FAM83A: variants seen among roughly 807,000 people sequenced by gnomAD.
The protein encoded by FAM83A is protein FAM83A.
A neutral mutation model predicts 24.4 loss-of-function variants in FAM83A; 21 were observed. The observed-to-expected ratio is 0.86, with a 90% confidence interval of 0.61 to 1.24. FAM83A has a LOEUF of 1.24. FAM83A is among the 50% of genes most tolerant of loss of function. The pLI is 0.00. For synonymous variants in FAM83A, 270 were observed against 252.4 expected, an observed-to-expected ratio of 1.07 and a Z score of -0.66; for missense variants, 617 against 579.8, an observed-to-expected ratio of 1.06 and a Z score of -0.66.
chr8:123,185,346 C>T (rs190559993), intron 1 of FAM83A, among the ~76,000 whole-genome samples: 97 of 152,256 alleles, frequency 6.4e-4, no homozygotes, highest in Non-Finnish European at 1.1e-3. Flanking sequence ...AATTGTCAAT[C>T]GCAGCTGCTC....
intron 3 of FAM83A, 121 bp downstream of exon 3, chr8:123,194,269 GCCC>G: frequency 7.2e-7 from 1 of 1,391,260 alleles, no homozygotes; most frequent in Non-Finnish European, 9.8e-7. Context: ...GTCTCCCTCT[GCCC>G]GGAGCTGGAG....
intron 3 of FAM83A, among the ~76,000 whole-genome samples, chr8:123,195,575 T>C (rs1824120423): frequency 6.6e-6 from 1 of 152,206 alleles, no homozygotes; most frequent in Non-Finnish European, 1.5e-5. Flanking sequence ...TAAAATCCCA[T>C]AGACTGGGTA....
chr8:123,198,998 C>T (rs765533995), intron 3 of FAM83A, among the ~76,000 whole-genome samples: 1 of 152,152 alleles, frequency 6.6e-6, no homozygotes, highest in Non-Finnish European at 1.5e-5. Flanking sequence ...CCTCGGCCTC[C>T]GAAAGTGCTG....
At chr8:123,203,728 A>G (rs968544166) in intron 3 of FAM83A, among the ~76,000 whole-genome samples, 8 of 152,054 alleles carry the variant, frequency 5.3e-5, no homozygotes, top group Non-Finnish European at 4.4e-5. Context: ...GACTCACAAG[A>G]GCACAAGAGC....
At chr8:123,193,980 A>G (rs996049210) in intron 2 of FAM83A, 44 bp from the exon 3 acceptor site, 28 of 1,612,128 alleles carry the variant, frequency 1.7e-5, no homozygotes, top group Non-Finnish European at 2.4e-5. Flanking sequence ...ATGTATCTCT[A>G]TAAACAGAAT....
At chr8:123,195,841 C>T (rs557917043) in intron 3 of FAM83A, among the ~76,000 whole-genome samples, 1 of 152,242 alleles carries the variant, frequency 6.6e-6, no homozygotes, top group Admixed American at 6.5e-5. Context: ...CCTAATTATG[C>T]CCCAAAGGCC....
Position 123,187,544 on chromosome 8 carries a change from A to C in FAM83A, c.480+4208A>C, listed in dbSNP as rs189015688. Among the ~76,000 whole-genome samples the C allele has an allele frequency of 5.3e-5, 8 of 152,356 alleles. No homozygotes were observed. In the East Asian group the frequency reaches 1.5e-3, roughly 29 times the overall value. ...GCATTTCTTTTTCATTAAAATTGTT[A>C]TTTTATGTTAACATACGATGGGCTT... On this transcript the variant is annotated intron_variant, in intron 1 of 3. Coordinates refer to ENST00000690554, the Ensembl canonical transcript of FAM83A.
In FAM83A at chr8:123,183,198, G is replaced by T. The variant is rs769463336; in HGVS notation, c.342G>T (p.Glu114Asp). The T allele has an allele frequency of 1.9e-6, 3 of 1,613,586 alleles. No individual in the cohort carries two copies. The Admixed American group carries it at 5.0e-5, about 27-fold the overall frequency. ...TCCCTGTGGCCTCAGAGGGCAGCGAGCCGGCCCTACTGCACAGCTGGGCCT... is the reference window on the plus strand; with the variant it reads ...TCCCTGTGGCCTCAGAGGGCAGCGATCCGGCCCTACTGCACAGCTGGGCCT... The change falls in exon 1 of 4, where the codon GAG becomes GAT. Residue 114 changes from glutamate (E) to aspartate (D), a missense_variant. By Grantham distance (45) the Glu-to-Asp change is conservative (BLOSUM62 2). Transcript: ENST00000690554.
rs57091222 is a variant in FAM83A at position 123,205,631 on chromosome 8, C to A, written c.774-1526C>A. 4.3e-3 allele frequency among the ~76,000 whole-genome samples: 654 copies of A among 152,238 alleles called. 4 individuals carry two copies. The highest frequency in any genetic ancestry group is 0.015 in the African/African-American group (618 of 41,548). On this transcript the variant is annotated intron_variant, in intron 3 of 3. Coordinates refer to ENST00000690554, the Ensembl canonical transcript of FAM83A. ...CTGGGGGCTGCGATCCTATCTTTGA[C>A]GGGCCCGTTTCTGCTTAGCTCTGGC...
At position 123,207,557 on chromosome 8, in the gene FAM83A, GGCCC is replaced by G. The variant is rs780708855; in HGVS notation, c.1182_1185del (p.Ala395LeufsTer25). On this transcript the variant is annotated frameshift_variant, in exon 4 of 4. Coordinates refer to ENST00000690554, the Ensembl canonical transcript of FAM83A. LOFTEE classifies it high-confidence loss of function. Reference sequence around the variant, plus strand: ...CCACCTCTCCCCGCGGCCCCACGACGGCCCGCCCGCCGCTGTCTACAGCAACCTG... The same window carrying G: ...CCACCTCTCCCCGCGGCCCCACGACGGCCCGCCGCTGTCTACAGCAACCTG... 1.3e-6 allele frequency: 2 copies of G among 1,539,032 alleles called. No homozygotes were observed. The highest frequency in any genetic ancestry group is 2.4e-5 in the East Asian group (1 of 41,274).
chr8:123,179,523 T>A (rs1823544652), upstream of FAM83A: 1 of 152,118 alleles, frequency 6.6e-6, no homozygotes, highest in Non-Finnish European at 1.5e-5. Context: ...ACTAAGATAA[T>A]CCCTATAAAG....
rs371810691 is a variant in FAM83A, at chr8:123,209,366, T to TTTATTATTATTA, written c.*1688_*1699dup. The stretch of plus-strand genomic sequence containing the variant: ...TGGGGCATCTTGGCTTCTGGTTTCT[T>TTTATTATTATTA]TTATTATTATTATTATTATTAATTA... On this transcript the variant is annotated 3_prime_UTR_variant, in exon 4 of 4. Transcript: ENST00000690554. The surrounding 1 kb of genome is among the most constrained non-coding windows in gnomAD (Gnocchi z 4.7). The TTTATTATTATTA allele has an allele frequency of 5.4e-6, 8 of 1,469,074 alleles. No individual in the cohort carries two copies. The African/African-American group carries it at 1.0e-4, about 18-fold the overall frequency. The allele number at this position is 1,469,074 out of a possible 1,614,324, so 91.0% of individuals were successfully genotyped here. A position where few individuals can be genotyped will look rare whatever the true frequency, so the allele number is the denominator to read the frequency against.
In FAM83A at chr8:123,205,093, C is replaced by CTCCT. The variant is rs569840790; in HGVS notation, c.774-2064_774-2063insTCCT. Among the ~76,000 whole-genome samples, 233 of 151,914 alleles carry CTCCT rather than the reference C, an allele frequency of 1.5e-3. 10 individuals are homozygous for CTCCT. In the South Asian group the frequency reaches 0.047, roughly 31 times the overall value. On this transcript the variant is annotated intron_variant, in intron 3 of 3. Transcript: ENST00000690554. ...CGCCACTGCACTCCAGCCTGGGCGA[C>CTCCT]AGAGCAAGGCTGCGTCTCAAAAAAA...
upstream of FAM83A, chr8:123,181,989 T>C (rs886342291): frequency 6.6e-6 from 3 of 455,256 alleles, no homozygotes; most frequent in Non-Finnish European, 1.3e-5. Flanking sequence ...TCAGAGTTCA[T>C]AGATTTCAAA....
chr8:123,207,443 G>A, exon 4 of FAM83A: 1 of 1,604,764 alleles, frequency 6.2e-7, no homozygotes, highest in Non-Finnish European at 8.5e-7. Context: ...CGCGTCTTCA[G>A]GGCCCTGTAG....
chr8:123,187,144 A>C (rs887163387), intron 1 of FAM83A, among the ~76,000 whole-genome samples: 17 of 152,162 alleles, frequency 1.1e-4, no homozygotes, highest in African/African-American at 3.9e-4. Flanking sequence ...CACATGCGAA[A>C]GTCAGGAGGT....
intron 3 of FAM83A, among the ~76,000 whole-genome samples, chr8:123,206,138 CA>C (rs57788150): frequency 0.014 from 1,601 of 110,806 alleles, 12 homozygotes; most frequent in African/African-American, 0.031. Flanking sequence ...GTAAGACTCT[CA>C]AAAAAAAAAA....
In FAM83A at chr8:123,191,800, C is replaced by T; in HGVS notation, c.481-3C>T. On this transcript the variant is annotated splice_region_variant and splice_polypyrimidine_tract_variant and intron_variant, in intron 1 of 3. Coordinates refer to ENST00000690554, the Ensembl canonical transcript of FAM83A. ...GGTAACTGAGCACTCTGCCCTGGCC[C>T]AGGTCCTGGTCATCCTGATGGATGT... The T allele has an allele frequency of 6.2e-7, 1 of 1,613,542 alleles. No homozygotes were observed. Among genetic ancestry groups the T allele is most frequent in the Non-Finnish European group, 8.5e-7 (1 of 1,179,964 alleles).
chr8:123,190,495 T>C (rs929376649), intron 1 of FAM83A, among the ~76,000 whole-genome samples: 2 of 151,486 alleles, frequency 1.3e-5, no homozygotes, highest in Non-Finnish European at 2.9e-5. Flanking sequence ...GAGCTCCAGA[T>C]CTCAAATGAT....
Sources: gnomAD v4.1 joint callset for allele counts (sites outside exome capture counted in the v4.1 genomes callset) on GRCh38, gnomAD v4.1.1 for gene constraint, Gnocchi (gnomAD v3.1) non-coding constraint, MANE v1.5 for transcripts, NCBI Gene and HGNC (gene_info 2026-07-23, HGNC 2026-07-21) for gene names.